The following LNX1 variants were observed in gnomAD, a reference collection of about 807,000 sequenced individuals.
LNX1 encodes ligand of numb-protein X 1.
In LNX1, 54 loss-of-function variants were observed where a neutral mutation model predicts 68.4. That is an observed-to-expected ratio of 0.79 (90% CI 0.63 to 0.99). LNX1 has a LOEUF of 0.99. LNX1 is among the 50% of genes least tolerant of loss of function. The pLI is 0.00. For missense variants in LNX1, 906 were observed against 926.4 expected, an observed-to-expected ratio of 0.98 and a Z score of 0.29; for synonymous variants, 336 against 350.0, an observed-to-expected ratio of 0.96 and a Z score of 0.45.
intron 2 of LNX1, among the ~76,000 whole-genome samples, chr4:53,534,648 A>C (rs1728246293): frequency 6.6e-6 from 1 of 152,204 alleles, no homozygotes. Context: ...TCTCTAAAAA[A>C]ACATAATAAT....
At chr4:53,583,803 C>G (rs1731981503) in intron 1 of LNX1, among the ~76,000 whole-genome samples, 1 of 152,128 alleles carries the variant, frequency 6.6e-6, no homozygotes, top group African/African-American at 2.4e-5. Flanking sequence ...TGTTCCTTCT[C>G]TTGACGAGAT....
At chr4:53,643,902 A>G (rs1734783202) in intron 1 of LNX1, among the ~76,000 whole-genome samples, 1 of 152,196 alleles carries the variant, frequency 6.6e-6, no homozygotes, top group Non-Finnish European at 1.5e-5. Flanking sequence ...TTATTATTTC[A>G]TGAATGGAGC....
At chr4:53,585,006 C>A (rs180684543) in intron 1 of LNX1, among the ~76,000 whole-genome samples, 28 of 152,096 alleles carry the variant, frequency 1.8e-4, no homozygotes, top group East Asian at 1.4e-3. Context: ...CAATTGTCTT[C>A]CTGGGTAGTC....
chr4:53,633,332 T>C (rs1031720260), intron 1 of LNX1, among the ~76,000 whole-genome samples: 1 of 152,220 alleles, frequency 6.6e-6, no homozygotes, highest in Non-Finnish European at 1.5e-5. Flanking sequence ...TGGTCCCCCA[T>C]GCACAATAAC....
chr4:53,643,854 C>T (rs75718680), intron 1 of LNX1, among the ~76,000 whole-genome samples: 3,696 of 152,198 alleles, frequency 0.024, 64 homozygotes, highest in Non-Finnish European at 0.037. Flanking sequence ...TTGTTGGGGC[C>T]TAGCACATGG....
intron 1 of LNX1, among the ~76,000 whole-genome samples, chr4:53,637,908 C>T (rs539188330): frequency 1.3e-5 from 2 of 152,198 alleles, no homozygotes; most frequent in African/African-American, 4.8e-5. Context: ...TCCACCCAAC[C>T]AGACCTAGTG....
intron 2 of LNX1, among the ~76,000 whole-genome samples, chr4:53,540,844 A>C (rs1259842499): frequency 2.6e-5 from 4 of 152,098 alleles, no homozygotes; most frequent in African/African-American, 9.7e-5. Flanking sequence ...TCTAAAAATA[A>C]ATGGCAGGAG....
At chr4:53,642,262 G>T (rs1370122804) in intron 1 of LNX1, among the ~76,000 whole-genome samples, 3 of 145,750 alleles carry the variant, frequency 2.1e-5, no homozygotes, top group African/African-American at 7.6e-5. Context: ...AGCAGGCCCA[G>T]ACCATTTCCA....
chr4:53,579,587 G>T (rs146921876), intron 1 of LNX1, among the ~76,000 whole-genome samples: 10 of 151,948 alleles, frequency 6.6e-5, no homozygotes, highest in Non-Finnish European at 5.9e-5. Context: ...AGTTGGTGCC[G>T]CCTGCAACCA....
intron 2 of LNX1, among the ~76,000 whole-genome samples, chr4:53,515,510 C>A (rs59538345): frequency 2.0e-5 from 3 of 148,646 alleles, no homozygotes; most frequent in South Asian, 2.1e-4. Context: ...ATTTAAGGCC[C>A]CCACCCCACC....
At chr4:53,597,003 C>T (rs17083170) in intron 2 of LNX1, among the ~76,000 whole-genome samples, 18,541 of 152,058 alleles carry the variant, frequency 0.12, 1,277 homozygotes, top group East Asian at 0.24. Context: ...TCCTGGACTC[C>T]GGGAGGCTGC....
At position 53,462,448 on chromosome 4, in the gene LNX1, C is replaced by T. The variant is rs553167251; in HGVS notation, c.1893-855G>A. Among the ~76,000 whole-genome samples, 11 of 152,032 alleles carry T rather than the reference C, an allele frequency of 7.2e-5. No homozygotes were observed. The South Asian group carries it at 1.2e-3, about 17-fold the overall frequency. On this transcript the variant is annotated intron_variant, in intron 9 of 10. Transcript: ENST00000263925. Reference sequence around the variant, plus strand: ...GTTGACCACATTTGTAGCTGTAGTCCGGGAATTGGTTTGAAAGGAAATTGG... The same window carrying T: ...GTTGACCACATTTGTAGCTGTAGTCTGGGAATTGGTTTGAAAGGAAATTGG...
chr4:53,483,306 T>C (rs865968873), intron 6 of LNX1, among the ~76,000 whole-genome samples: 4 of 152,336 alleles, frequency 2.6e-5, no homozygotes, highest in South Asian at 2.1e-4. Context: ...TGTGAGTTCA[T>C]TAAACCTTTA....
chr4:53,609,892 A>C (rs1293742731), intron 2 of LNX1, among the ~76,000 whole-genome samples: 1 of 150,304 alleles, frequency 6.7e-6, no homozygotes, highest in Non-Finnish European at 1.5e-5. Flanking sequence ...ATAGCATATA[A>C]TTTTTATTAT....
At chr4:53,646,163 C>T (rs1466694839) in intron 1 of LNX1, among the ~76,000 whole-genome samples, 1 of 152,164 alleles carries the variant, frequency 6.6e-6, no homozygotes, top group Non-Finnish European at 1.5e-5. Flanking sequence ...ATCCTATTCT[C>T]ATATTTCCCT....
At chr4:53,565,247 T>A (rs1482644767) in intron 2 of LNX1, among the ~76,000 whole-genome samples, 1 of 152,086 alleles carries the variant, frequency 6.6e-6, no homozygotes, top group Non-Finnish European at 1.5e-5. Flanking sequence ...TAAGTGTCCC[T>A]GTCTGACAGC....
chr4:53,497,319 A>G (rs1364864538), intron 5 of LNX1, among the ~76,000 whole-genome samples: 1 of 152,222 alleles, frequency 6.6e-6, no homozygotes, highest in Non-Finnish European at 1.5e-5. Flanking sequence ...GGCCCCATGG[A>G]GGAGAAATAA....
At chr4:53,495,308 G>T (rs546597837) in intron 6 of LNX1, among the ~76,000 whole-genome samples, 2 of 152,036 alleles carry the variant, frequency 1.3e-5, no homozygotes, top group African/African-American at 2.4e-5. Flanking sequence ...TGACCCTGAC[G>T]AAGTCAACAA....
intron 1 of LNX1, among the ~76,000 whole-genome samples, chr4:53,588,959 C>A (rs1732339265): frequency 6.6e-6 from 1 of 152,130 alleles, no homozygotes; most frequent in Non-Finnish European, 1.5e-5. Flanking sequence ...GGGTCATGAA[C>A]CTCCTTCTAT....
Sources: allele counts gnomAD v4.1 joint callset (sites outside exome capture counted in the v4.1 genomes callset), GRCh38; gene constraint gnomAD v4.1.1; transcripts MANE v1.5; gene names NCBI Gene and HGNC (gene_info 2026-07-23, HGNC 2026-07-21).